The following EXOC6B variants were observed in gnomAD, a reference collection of about 807,000 sequenced individuals.
The protein encoded by EXOC6B is SEC15 homolog B.
EXOC6B carries 54 observed loss-of-function variants against 113.5 expected under a neutral mutation model. The observed-to-expected ratio is 0.48, with a 90% CI of 0.38 to 0.60. The LOEUF is 0.60. Ranked by LOEUF, EXOC6B falls within the 20% of genes least tolerant of loss-of-function variation. EXOC6B has a pLI of 0.00. For missense variants in EXOC6B, 797 were observed against 977.5 expected (o/e 0.82, Z 2.46); for synonymous variants, 357 against 339.0 (o/e 1.05, Z -0.58).
At chr2:72,559,958 C>T (rs566475695) in intron 7 of EXOC6B, among the ~76,000 whole-genome samples, 8 of 152,302 alleles carry the variant, frequency 5.3e-5, no homozygotes, top group Middle Eastern at 6.8e-3. Context: ...ATATGAATCA[C>T]GGCCTGCCAG....
At chr2:72,240,176 C>A (rs1481409751) in intron 20 of EXOC6B, among the ~76,000 whole-genome samples, 2 of 152,120 alleles carry the variant, frequency 1.3e-5, no homozygotes, top group East Asian at 3.8e-4. Context: ...ATTTCCTTTT[C>A]TTGCCTAATT....
intron 18 of EXOC6B, among the ~76,000 whole-genome samples, chr2:72,435,472 G>T (rs753419717): frequency 1.4e-4 from 21 of 152,146 alleles, no homozygotes; most frequent in Admixed American, 4.6e-4. Context: ...TTAATTTTCT[G>T]TCTTGTTGAT....
chr2:72,515,774 T>C, intron 8 of EXOC6B: 1 of 973,368 alleles, frequency 1.0e-6, no homozygotes, highest in Non-Finnish European at 1.2e-6. Flanking sequence ...TCCAAATTCA[T>C]GTCCTTCGTG....
chr2:72,719,053 A>G (rs1011977915), intron 5 of EXOC6B, among the ~76,000 whole-genome samples: 2 of 152,186 alleles, frequency 1.3e-5, no homozygotes, highest in African/African-American at 4.8e-5. Flanking sequence ...ACAACAAATC[A>G]AGAAGTGTTT....
chr2:72,665,000 G>A (rs1251688333), intron 6 of EXOC6B, among the ~76,000 whole-genome samples: 1 of 152,230 alleles, frequency 6.6e-6, no homozygotes, highest in Non-Finnish European at 1.5e-5. Context: ...CCTTGAGCAG[G>A]GAAGGAGCTC....
intron 20 of EXOC6B, among the ~76,000 whole-genome samples, chr2:72,198,284 CAA>C (rs1333637198): frequency 2.6e-5 from 4 of 152,224 alleles, no homozygotes; most frequent in African/African-American, 9.6e-5. Context: ...GGAAAACCAA[CAA>C]AGCATTAAGG....
chr2:72,689,268 A>G (rs1677314281), intron 6 of EXOC6B, among the ~76,000 whole-genome samples: 1 of 152,200 alleles, frequency 6.6e-6, no homozygotes, highest in South Asian at 2.1e-4. Context: ...CCCATTAACC[A>G]GAGCATCCTT....
intron 20 of EXOC6B, among the ~76,000 whole-genome samples, chr2:72,204,276 C>G (rs768146611): frequency 2.6e-4 from 39 of 152,114 alleles, no homozygotes; most frequent in Non-Finnish European, 4.6e-4. Flanking sequence ...CTGAATGTAT[C>G]AGAGCAAACA....
chr2:72,738,508 C>T (rs1355780431), intron 2 of EXOC6B, among the ~76,000 whole-genome samples: 4 of 152,150 alleles, frequency 2.6e-5, no homozygotes, highest in Non-Finnish European at 5.9e-5. Flanking sequence ...TTAATGTGTA[C>T]ACTTCAAAAC....
rs1364126956 is a variant in EXOC6B at position 72,401,622 on chromosome 2, CATATATAT to C, written c.1981-21760_1981-21753del. ...ATATATGTGTATATATATATATATA[CATATATAT>C]ATATATACATATATACATATATATA... is the stretch of plus-strand genomic sequence containing the variant. On this transcript the variant is annotated intron_variant, in intron 18 of 21. Coordinates refer to ENST00000272427, the MANE Select transcript of EXOC6B (RefSeq NM_015189.3). Among the ~76,000 whole-genome samples the C allele has an allele frequency of 1.2e-3, 17 of 14,498 alleles. 1 individual carries two copies. The highest frequency in any genetic ancestry group is 4.0e-3 in the African/African-American group (11 of 2,780). The allele number at this position is 14,498 out of a possible 152,430, so 9.5% of individuals were successfully genotyped here.
At chr2:72,747,109 A>G (rs375686958) in intron 1 of EXOC6B, among the ~76,000 whole-genome samples, 2 of 152,072 alleles carry the variant, frequency 1.3e-5, no homozygotes, top group African/African-American at 4.8e-5. Context: ...TAAGTTGCCT[A>G]TTAGTTGTGC....
chr2:72,328,134 C>T (rs1688235209), intron 20 of EXOC6B, among the ~76,000 whole-genome samples: 1 of 152,104 alleles, frequency 6.6e-6, no homozygotes, highest in African/African-American at 2.4e-5. Context: ...GTCAGAGCTT[C>T]CTTTGATGCT....
At chr2:72,418,530 T>C (rs1694672005) in intron 18 of EXOC6B, among the ~76,000 whole-genome samples, 1 of 152,234 alleles carries the variant, frequency 6.6e-6, no homozygotes, top group African/African-American at 2.4e-5. Flanking sequence ...AACTGTAATC[T>C]CCTTGCAGTA....
intron 6 of EXOC6B, among the ~76,000 whole-genome samples, chr2:72,626,118 A>G (rs965266083): frequency 6.6e-6 from 1 of 152,170 alleles, no homozygotes; most frequent in Non-Finnish European, 1.5e-5. Context: ...CAGAAAAATA[A>G]TAAAAAATTT....
intron 20 of EXOC6B, among the ~76,000 whole-genome samples, chr2:72,329,320 G>A (rs1038888339): frequency 7.9e-5 from 12 of 152,088 alleles, no homozygotes; most frequent in Admixed American, 4.6e-4. Flanking sequence ...TGGTTATAAC[G>A]AAAAACAGAA....
chr2:72,681,216 T>C (rs1676676152), intron 6 of EXOC6B, among the ~76,000 whole-genome samples: 1 of 152,206 alleles, frequency 6.6e-6, no homozygotes, highest in East Asian at 1.9e-4. Flanking sequence ...AGAGAATTAC[T>C]TGTCCAAGCC....
At position 72,177,276 on chromosome 2, in the gene EXOC6B, ATCC is replaced by A. The variant is rs143688059; in HGVS notation, c.*2056_*2058del. 4.6e-5 allele frequency: 7 copies of A among 152,340 alleles called. No individual in the cohort carries two copies. The East Asian group carries it at 1.4e-3, about 29-fold the overall frequency. The allele number at this position is 152,340 out of a possible 1,614,324, so 9.4% of individuals were successfully genotyped here. A position where few individuals can be genotyped will look rare whatever the true frequency, so the allele number is the denominator to read the frequency against. On this transcript the variant is annotated 3_prime_UTR_variant, in exon 22 of 22. Coordinates refer to ENST00000272427, the MANE Select transcript of EXOC6B (RefSeq NM_015189.3). ...GTTTGAGACCAGACCAGCAATGATG[ATCC>A]TCTAAAAAGACAAACACTGTGCCAT... is the stretch of plus-strand genomic sequence containing the variant.
intron 20 of EXOC6B, among the ~76,000 whole-genome samples, chr2:72,292,535 TTG>T (rs142332997): frequency 1.6e-3 from 218 of 133,532 alleles, no homozygotes; most frequent in African/African-American, 3.3e-3. Context: ...CATGCACGCT[TTG>T]TGTGTGTGTG....
chr2:72,435,760 C>T (rs186153932), intron 18 of EXOC6B, among the ~76,000 whole-genome samples: 1 of 146,174 alleles, frequency 6.8e-6, no homozygotes, highest in East Asian at 2.0e-4. Context: ...GGTAAATATT[C>T]CTCCATCCAT....
Sources: allele counts gnomAD v4.1 joint callset (sites outside exome capture counted in the v4.1 genomes callset), GRCh38; gene constraint gnomAD v4.1.1; transcripts MANE v1.5; gene names NCBI Gene and HGNC (gene_info 2026-07-23, HGNC 2026-07-21).